Variants in MAGI1 observed in about 807,000 individuals in gnomAD.
MAGI1 encodes the protein membrane associated guanylate kinase, WW and PDZ domain containing 1.
A neutral mutation model predicts 139.9 loss-of-function variants in MAGI1; 58 were observed. The observed-to-expected ratio is 0.41, with a 90% CI of 0.34 to 0.52. The LOEUF (loss-of-function observed/expected upper bound fraction) is 0.52, where lower values mean the gene tolerates loss of function less well. MAGI1 is among the 20% of genes least tolerant of loss of function. MAGI1 has a pLI of 0.12. For synonymous variants in MAGI1, 812 were observed against 737.9 expected, an observed-to-expected ratio of 1.10 and a Z score of -1.63; for missense variants, 1,874 against 1,901.6, an observed-to-expected ratio of 0.99 and a Z score of 0.27.
intron 1 of MAGI1, among the ~76,000 whole-genome samples, chr3:65,735,745 T>C (rs1027090395): frequency 1.3e-5 from 2 of 152,162 alleles, no homozygotes; most frequent in African/African-American, 4.8e-5. Flanking sequence ...CAGTTAAAGA[T>C]TCTCCCTCTG....
At chr3:65,847,745 T>A (rs1378169683) in intron 1 of MAGI1, among the ~76,000 whole-genome samples, 1 of 152,188 alleles carries the variant, frequency 6.6e-6, no homozygotes, top group Non-Finnish European at 1.5e-5. Context: ...TTTGTATAAG[T>A]TAAATGTGCT....
intron 1 of MAGI1, among the ~76,000 whole-genome samples, chr3:65,933,772 A>G (rs72907000): frequency 0.02 from 3,018 of 152,306 alleles, 67 homozygotes; most frequent in African/African-American, 0.054. Flanking sequence ...AAATGAGCCT[A>G]TTTTATTAAT....
At chr3:65,995,882 T>C (rs1230842859) in intron 1 of MAGI1, among the ~76,000 whole-genome samples, 2 of 152,146 alleles carry the variant, frequency 1.3e-5, no homozygotes, top group African/African-American at 2.4e-5. Flanking sequence ...CCTGTAGTCC[T>C]AGCTATTCAG....
At chr3:65,902,232 C>T (rs1258061850) in intron 1 of MAGI1, among the ~76,000 whole-genome samples, 1 of 152,164 alleles carries the variant, frequency 6.6e-6, no homozygotes, top group Non-Finnish European at 1.5e-5. Context: ...ACTCTCACAT[C>T]GCAATTGTGT....
At chr3:66,012,827 G>T (rs186071566) in intron 1 of MAGI1, among the ~76,000 whole-genome samples, 86 of 151,790 alleles carry the variant, frequency 5.7e-4, no homozygotes, top group African/African-American at 2.0e-3. Context: ...ACAGTGCCTG[G>T]CACATCAGAA....
At chr3:65,640,474 T>A (rs1161103824) in intron 1 of MAGI1, among the ~76,000 whole-genome samples, 1 of 152,132 alleles carries the variant, frequency 6.6e-6, no homozygotes, top group Non-Finnish European at 1.5e-5. Flanking sequence ...TGACTCCTTT[T>A]CCCTCAGGTG....
intron 1 of MAGI1, among the ~76,000 whole-genome samples, chr3:65,913,661 A>T (rs1305550965): frequency 3.3e-5 from 5 of 152,224 alleles, no homozygotes; most frequent in African/African-American, 1.2e-4. Context: ...TCAAATCCCT[A>T]ACAAAGTATT....
chr3:65,930,341 A>AAAAAAAAAAG (rs2062751381), intron 1 of MAGI1, among the ~76,000 whole-genome samples: 11 of 139,252 alleles, frequency 7.9e-5, no homozygotes, highest in Non-Finnish European at 1.1e-4. Context: ...AAAAAAAAAA[A>AAAAAAAAAAG]TGTTATTTGT....
intron 1 of MAGI1, among the ~76,000 whole-genome samples, chr3:65,626,630 G>C (rs1437900228): frequency 6.6e-6 from 1 of 152,072 alleles, no homozygotes; most frequent in African/African-American, 2.4e-5. Context: ...CACCTGGAAG[G>C]CATTCTTAAG....
At chr3:65,618,855 C>T (rs1265219626) in intron 2 of MAGI1, among the ~76,000 whole-genome samples, 1 of 152,078 alleles carries the variant, frequency 6.6e-6, no homozygotes, top group East Asian at 1.9e-4. Context: ...TGACTTGTGC[C>T]AGGCCACACA....
intron 12 of MAGI1, among the ~76,000 whole-genome samples, chr3:65,402,820 G>A (rs1387840508): frequency 6.6e-6 from 1 of 152,120 alleles, no homozygotes; most frequent in Non-Finnish European, 1.5e-5. Context: ...GGAGGCATGA[G>A]GGCACTCTCT....
At position 65,673,295 on chromosome 3, in the gene MAGI1, T is replaced by G. The variant is rs552565342; in HGVS notation, c.314-51207A>C. Among the ~76,000 whole-genome samples, 5 of 152,342 alleles carry G rather than the reference T, an allele frequency of 3.3e-5. No individual in the cohort carries two copies. The East Asian group carries it at 9.6e-4, about 29-fold the overall frequency. On this transcript the variant is annotated intron_variant, in intron 1 of 22. Coordinates refer to ENST00000402939, the MANE Select transcript of MAGI1 (RefSeq NM_001033057.2). ...AATGATCTGGAGGTGAAGCCTAAAA[T>G]AACTGCCTCAAATTTCCTGATGTCT...
intron 1 of MAGI1, among the ~76,000 whole-genome samples, chr3:65,666,134 A>T (rs1559767994): frequency 6.6e-6 from 1 of 152,162 alleles, no homozygotes; most frequent in African/African-American, 2.4e-5. Context: ...ACACTGACTC[A>T]TGTTGATCAG....
rs546892404 is a variant in MAGI1, at chr3:65,753,150, A to C, written c.314-131062T>G. 3.3e-5 allele frequency among the ~76,000 whole-genome samples: 5 copies of C among 152,324 alleles called. No homozygotes were observed. The South Asian group carries it at 1.0e-3, about 32-fold the overall frequency. ...ACCAAAGATGGCAGAGACCGAGATGAGAAAATCTGGGAAGATCTGTATATC... is the reference window on the plus strand; with the variant it reads ...ACCAAAGATGGCAGAGACCGAGATGCGAAAATCTGGGAAGATCTGTATATC... On this transcript the variant is annotated intron_variant, in intron 1 of 22. Coordinates refer to ENST00000402939, the MANE Select transcript of MAGI1 (RefSeq NM_001033057.2).
intron 2 of MAGI1, among the ~76,000 whole-genome samples, chr3:65,609,469 G>T (rs911233522): frequency 6.6e-6 from 1 of 151,764 alleles, no homozygotes; most frequent in Admixed American, 6.6e-5. Flanking sequence ...AGGAGAGATG[G>T]GGTTTTACCA....
intron 2 of MAGI1, among the ~76,000 whole-genome samples, chr3:65,530,294 A>G (rs1201288576): frequency 6.6e-6 from 1 of 152,120 alleles, no homozygotes; most frequent in African/African-American, 2.4e-5. Flanking sequence ...TCACTGAATT[A>G]GGCGAGTCTT....
chr3:66,021,992 G>A (rs2067989776), intron 1 of MAGI1, among the ~76,000 whole-genome samples: 1 of 152,150 alleles, frequency 6.6e-6, no homozygotes, highest in Non-Finnish European at 1.5e-5. Context: ...CCTGGTAACA[G>A]GTGCACAGGA....
intron 1 of MAGI1, among the ~76,000 whole-genome samples, chr3:65,998,149 A>AT (rs926749776): frequency 5.4e-5 from 8 of 148,968 alleles, no homozygotes; most frequent in East Asian, 2.0e-4. Flanking sequence ...GGATTCCGTT[A>AT]TTTTTTTTGG....
At chr3:65,619,676 G>A (rs2083564312) in intron 2 of MAGI1, among the ~76,000 whole-genome samples, 1 of 152,050 alleles carries the variant, frequency 6.6e-6, no homozygotes, top group African/African-American at 2.4e-5. Context: ...TCAGTCACAT[G>A]GGCCATAGAA....
Sources: allele counts gnomAD v4.1 joint callset (sites outside exome capture counted in the v4.1 genomes callset), GRCh38; gene constraint gnomAD v4.1.1; transcripts MANE v1.5; gene names NCBI Gene and HGNC (gene_info 2026-07-23, HGNC 2026-07-21).